DNAH14: variants seen among roughly 807,000 people sequenced by gnomAD.
The protein encoded by DNAH14 is axonemal beta dynein heavy chain 14.
DNAH14 carries 478 observed loss-of-function variants against 520.9 expected under a neutral mutation model. The observed-to-expected ratio is 0.92, with a 90% CI of 0.85 to 0.99. DNAH14 has a LOEUF of 0.99. DNAH14 is among the 50% of genes least tolerant of loss of function. The pLI is 0.00. For missense variants in DNAH14, 4,831 were observed against 5,234.5 expected (o/e 0.92, Z 2.38); for synonymous variants, 1,581 against 1,757.2 (o/e 0.90, Z 2.51).
chr1:225,194,387 A>T (rs918063791), intron 38 of DNAH14, among the ~76,000 whole-genome samples: 1 of 152,134 alleles, frequency 6.6e-6, no homozygotes, highest in Non-Finnish European at 1.5e-5. Context: ...ATCTTTGACA[A>T]AGTTGACAAA....
rs114896854 is a variant in DNAH14 at position 225,359,972 on chromosome 1, G to A, written c.11777-709G>A. The stretch of plus-strand genomic sequence containing the variant: ...CACCTAGGTATTAAGCCCCACATGC[G>A]TTAGCATTTATCCTGATGCTCTCCC... On this transcript the variant is annotated intron_variant, in intron 74 of 85. Coordinates refer to ENST00000682510, the MANE Select transcript of DNAH14 (RefSeq NM_001367479.1). Among the ~76,000 whole-genome samples, 867 of 152,268 alleles carry A rather than the reference G, an allele frequency of 5.7e-3. 7 individuals carry two copies. The highest frequency in any genetic ancestry group is 0.02 in the African/African-American group (833 of 41,562).
chr1:225,065,271 GATGTA>G (rs2070728971), intron 17 of DNAH14, among the ~76,000 whole-genome samples: 2 of 151,766 alleles, frequency 1.3e-5, no homozygotes, highest in African/African-American at 4.8e-5. Flanking sequence ...GGTACAAAGT[GATGTA>G]ATGATTTATG....
At chr1:225,383,227 T>C (rs1457629842) in intron 81 of DNAH14, among the ~76,000 whole-genome samples, 1 of 152,190 alleles carries the variant, frequency 6.6e-6, no homozygotes, top group Non-Finnish European at 1.5e-5. Flanking sequence ...TTTTAAAACC[T>C]AGGTAGAAAA....
intron 66 of DNAH14, among the ~76,000 whole-genome samples, chr1:225,335,931 CTA>C (rs1491462731): frequency 4.3e-4 from 54 of 124,378 alleles, no homozygotes; most frequent in African/African-American, 1.2e-3. Flanking sequence ...GCACATATAC[CTA>C]TATATACATA....
At chr1:225,052,289 CTA>C (rs1450902828) in intron 17 of DNAH14, among the ~76,000 whole-genome samples, 3 of 152,056 alleles carry the variant, frequency 2.0e-5, no homozygotes, top group African/African-American at 7.2e-5. Flanking sequence ...TTTGGAGACT[CTA>C]TGGAGATTCC....
intron 60 of DNAH14, among the ~76,000 whole-genome samples, chr1:225,312,447 G>T (rs1050046463): frequency 1.3e-5 from 2 of 151,926 alleles, no homozygotes; most frequent in Non-Finnish European, 2.9e-5. Flanking sequence ...TCTTTCTCTC[G>T]CCTGATTGTC....
chr1:225,041,387 C>T (rs981067), intron 12 of DNAH14, among the ~76,000 whole-genome samples: 121,213 of 152,232 alleles, frequency 0.8, 51,693 homozygotes, highest in Non-Finnish European at 0.96. Flanking sequence ...GGCTATTCCT[C>T]TCTTGTAGTT....
intron 44 of DNAH14, 100 bp downstream of exon 44, chr1:225,252,517 A>C (rs917355712): frequency 4.6e-6 from 3 of 659,238 alleles, no homozygotes; most frequent in Non-Finnish European, 7.5e-6. Flanking sequence ...AAGTAATTAT[A>C]TCTGCAACTT....
chr1:224,976,530 T>C (rs1474948897), intron 8 of DNAH14, among the ~76,000 whole-genome samples: 1 of 152,008 alleles, frequency 6.6e-6, no homozygotes, highest in African/African-American at 2.4e-5. Flanking sequence ...CAAAAGAAAC[T>C]ACCATCAAAG....
intron 26 of DNAH14, among the ~76,000 whole-genome samples, chr1:225,121,015 CT>C (rs2077245180): frequency 6.6e-6 from 1 of 152,102 alleles, no homozygotes; most frequent in South Asian, 2.1e-4. Flanking sequence ...GGAAAAGCTT[CT>C]AGTGTTTGAC....
In DNAH14 at chr1:225,369,656, CAGAT is replaced by C. The variant is rs1378979992; in HGVS notation, c.12318+1629_12318+1632del. On this transcript the variant is annotated intron_variant, in intron 77 of 85. Transcript: ENST00000682510. ...TAATGTAGTCAACAAATTTGATTAA[CAGAT>C]AGATCGAGAGACTAACATCCCTCTA... Among the ~76,000 whole-genome samples, 5 of 152,006 alleles carry C rather than the reference CAGAT, an allele frequency of 3.3e-5. No homozygotes were observed. In the East Asian group the frequency reaches 9.6e-4, roughly 29 times the overall value.
chr1:224,950,739 A>G (rs1389766257), intron 1 of DNAH14, among the ~76,000 whole-genome samples: 1 of 152,246 alleles, frequency 6.6e-6, no homozygotes, highest in African/African-American at 2.4e-5. Context: ...TATGTCTACA[A>G]GCTAAGAATG....
intron 43 of DNAH14, among the ~76,000 whole-genome samples, chr1:225,242,321 C>T (rs12072720): frequency 0.013 from 2,002 of 152,000 alleles, 35 homozygotes; most frequent in East Asian, 0.05. Context: ...TCACTTTTGA[C>T]TCCTTTGAAA....
At position 225,265,263 on chromosome 1, in the gene DNAH14, C is replaced by T. The variant is rs1035634123; in HGVS notation, c.7304C>T (p.Thr2435Ile). The T allele has an allele frequency of 2.7e-5, 42 of 1,541,612 alleles. No homozygotes were observed. Among genetic ancestry groups the T allele is most frequent in the Middle Eastern group, 1.7e-4 (1 of 5,980 alleles). Residue 2435 changes from threonine (T) to isoleucine (I), a missense_variant, in exon 48 of 86, where the codon ACA becomes ATA. Thr to Ile is a moderately conservative substitution (Grantham distance 89). Coordinates refer to ENST00000682510, the MANE Select transcript of DNAH14 (RefSeq NM_001367479.1). ...NNDHKGVVVS[T>I]INFSTNVTAA... The stretch of plus-strand genomic sequence containing the variant: ...GATCATAAAGGAGTTGTAGTCTCTA[C>T]AATAAATTTTAGCACCAATGTAACA...
At chr1:224,975,647 T>A (rs9426102) in intron 8 of DNAH14, among the ~76,000 whole-genome samples, 46,478 of 148,406 alleles carry the variant, frequency 0.31, 13,242 homozygotes, top group African/African-American at 0.76. Flanking sequence ...CTTGCGGTCT[T>A]TCAATTTTGT....
intron 23 of DNAH14, among the ~76,000 whole-genome samples, chr1:225,103,066 A>G (rs962319429): frequency 6.6e-6 from 1 of 152,178 alleles, no homozygotes; most frequent in Non-Finnish European, 1.5e-5. Context: ...TAATTTTTGT[A>G]TGAGGTGTAA....
intron 20 of DNAH14, among the ~76,000 whole-genome samples, chr1:225,084,201 C>CCTT (rs1341938785): frequency 6.6e-6 from 1 of 152,010 alleles, no homozygotes; most frequent in African/African-American, 2.4e-5. Flanking sequence ...TAGAGGAACC[C>CCTT]CTTCTTCTTC....
At position 225,230,987 on chromosome 1, in the gene DNAH14, C is replaced by CA. The variant is rs1361049072; in HGVS notation, c.6440-84dup. The CA allele has an allele frequency of 3.7e-6, 3 of 817,152 alleles. No individual in the cohort carries two copies. The African/African-American group carries it at 5.3e-5, about 15-fold the overall frequency. The allele number at this position is 817,152 out of a possible 1,614,324, so 50.6% of individuals were successfully genotyped here. A position where few individuals can be genotyped will look rare whatever the true frequency, so the allele number is the denominator to read the frequency against. ...ATTCTATGATAATTCACTAACTAAA[C>CA]AATGTTAAAGGTTAAACCTCATTAG... is the stretch of plus-strand genomic sequence containing the variant. On this transcript the variant is annotated intron_variant, in intron 41 of 85. Coordinates refer to ENST00000682510, the MANE Select transcript of DNAH14 (RefSeq NM_001367479.1).
chr1:225,098,272 TA>T (rs35757304), intron 22 of DNAH14, among the ~76,000 whole-genome samples: 99,792 of 151,892 alleles, frequency 0.66, 34,537 homozygotes, highest in African/African-American at 0.87. Flanking sequence ...GGGCAGTTGT[TA>T]AAAAATTCTA....
Sources: gnomAD v4.1 joint callset for allele counts (sites outside exome capture counted in the v4.1 genomes callset) on GRCh38, gnomAD v4.1.1 for gene constraint, MANE v1.5 for transcripts, NCBI Gene and HGNC (gene_info 2026-07-23, HGNC 2026-07-21) for gene names.